CASZ1: variants seen among roughly 807,000 people sequenced by gnomAD.
CASZ1 encodes zinc finger protein castor homolog 1.
CASZ1 carries 28 observed loss-of-function variants against 135.2 expected under a neutral mutation model. The observed-to-expected ratio is 0.21, with a 90% CI of 0.15 to 0.28. The LOEUF is 0.28. CASZ1 is among the 10% of genes least tolerant of loss of function. The probability of loss-of-function intolerance (pLI) is 1.00; values close to 1 mark genes in which losing one functional copy is unlikely to be tolerated. For missense variants in CASZ1, 2,161 were observed against 2,453.3 expected, an observed-to-expected ratio of 0.88 and a Z score of 2.52; for synonymous variants, 1,068 against 1,073.4, an observed-to-expected ratio of 0.99 and a Z score of 0.10.
At chr1:10,787,507 G>C (rs559732583) in intron 1 of CASZ1, among the ~76,000 whole-genome samples, 49 of 152,304 alleles carry the variant, frequency 3.2e-4, no homozygotes, top group African/African-American at 1.1e-3. Flanking sequence ...TGAGCTCCCC[G>C]GGGGCGAGGG....
At position 10,689,899 on chromosome 1, in the gene CASZ1, C is replaced by T. The variant is rs77085927; in HGVS notation, c.16+3975G>A. On this transcript the variant is annotated intron_variant, in intron 4 of 20. Transcript: ENST00000377022. Reference sequence around the variant, plus strand: ...ACTAACCGGTGCACAGCACAAACCTCTGTTTGAATGGTACCAGGAAACTCA... The same window carrying T: ...ACTAACCGGTGCACAGCACAAACCTTTGTTTGAATGGTACCAGGAAACTCA... Among the ~76,000 whole-genome samples the T allele has an allele frequency of 5.5e-3, 839 of 152,336 alleles. 6 individuals carry two copies. Among genetic ancestry groups the T allele is most frequent in the East Asian group, 0.045 (234 of 5,176 alleles).
intron 2 of CASZ1, among the ~76,000 whole-genome samples, chr1:10,734,935 G>A (rs1469531948): frequency 6.6e-6 from 1 of 152,166 alleles, no homozygotes; most frequent in Non-Finnish European, 1.5e-5. Flanking sequence ...AGAGAGAGAA[G>A]TGGGGGGCCA....
rs920916038 is a variant in CASZ1 at position 10,639,398 on chromosome 1, G to C, written c.4824C>G (p.Pro1608=). 7 of 1,547,644 alleles carry C rather than the reference G, an allele frequency of 4.5e-6. No individual in the cohort carries two copies. The highest frequency in any genetic ancestry group is 2.4e-5 in the East Asian group (1 of 40,974). The change falls in exon 21 of 21, where the codon CCC becomes CCG. Residue 1608 remains proline, a synonymous_variant. Transcript: ENST00000377022. This position sits in a 1 kb window ranked among gnomAD's most constrained non-coding sequence, Gnocchi z 4.0. The part of the protein sequence containing the change: ...QERGEPAAEG[P]APGPPISLDG... The stretch of plus-strand genomic sequence containing the variant: ...CCAGACTGATGGGAGGCCCGGGCGC[G>C]GGGCCCTCTGCCGCGGGCTCGCCGC...
At chr1:10,718,506 G>GGCAC (rs1478153049) in intron 2 of CASZ1, among the ~76,000 whole-genome samples, 1 of 152,216 alleles carries the variant, frequency 6.6e-6, no homozygotes, top group Non-Finnish European at 1.5e-5. Context: ...CCCCAAGGAG[G>GGCAC]GCACGCCAGG....
In CASZ1 at chr1:10,679,923, C is replaced by T. The variant is rs1037743203; in HGVS notation, c.16+13951G>A. ...CCTTCCAGCATCCCTACCCATTACC[C>T]GTCCCAAACCCAGCTGCCAAGTGAG... is the stretch of plus-strand genomic sequence containing the variant. On this transcript the variant is annotated intron_variant, in intron 4 of 20. Transcript: ENST00000377022. The surrounding 1 kb of genome is among the most constrained non-coding windows in gnomAD (Gnocchi z 4.7). Among the ~76,000 whole-genome samples, 5 of 152,208 alleles carry T rather than the reference C, an allele frequency of 3.3e-5. No homozygotes were observed. Among genetic ancestry groups the T allele is most frequent in the Admixed American group, 6.5e-5 (1 of 15,288 alleles).
At chr1:10,667,969 C>T (rs891185464) in intron 4 of CASZ1, among the ~76,000 whole-genome samples, 3 of 152,118 alleles carry the variant, frequency 2.0e-5, no homozygotes, top group African/African-American at 7.2e-5. Flanking sequence ...CCCTTTGCTC[C>T]TGCCGACTCC....
intron 3 of CASZ1, among the ~76,000 whole-genome samples, chr1:10,703,910 G>A (rs1639113924): frequency 6.6e-6 from 1 of 152,192 alleles, no homozygotes; most frequent in South Asian, 2.1e-4. Flanking sequence ...GCAGACTGTG[G>A]GTCAAAGGGC....
At chr1:10,786,223 C>T (rs921754661) in intron 1 of CASZ1, among the ~76,000 whole-genome samples, 1 of 152,072 alleles carries the variant, frequency 6.6e-6, no homozygotes, top group Non-Finnish European at 1.5e-5. Context: ...TGATGACCCA[C>T]CTCACCCCAC....
In CASZ1 at chr1:10,679,658, G is replaced by A. The variant is rs1335860680; in HGVS notation, c.17-14087C>T. ...TGGGCTCTGTCCACATCCTGTGCCT[G>A]CACGGGCACCCTTCTCCTCCCCTCC... On this transcript the variant is annotated intron_variant, in intron 4 of 20. Transcript: ENST00000377022. The surrounding 1 kb of genome is among the most constrained non-coding windows in gnomAD (Gnocchi z 4.7). Among the ~76,000 whole-genome samples, 1 of 152,156 alleles carries A rather than the reference G, an allele frequency of 6.6e-6. No homozygotes were observed. Among genetic ancestry groups the A allele is most frequent in the East Asian group, 1.9e-4 (1 of 5,196 alleles).
Position 10,720,741 on chromosome 1 carries a change from A to T in CASZ1, c.-76-15197T>A, listed in dbSNP as rs1161923190. ...GGAGGACGGCTGGCAAAGAATGAGA[A>T]GGGCGTAGGGAAGCCCAAGGTCAGA... On this transcript the variant is annotated intron_variant, in intron 2 of 20. Coordinates refer to ENST00000377022, the MANE Select transcript of CASZ1 (RefSeq NM_001079843.3). This position sits in a 1 kb window ranked among gnomAD's most constrained non-coding sequence, Gnocchi z 5.7. Among the ~76,000 whole-genome samples, 1 of 152,198 alleles carries T rather than the reference A, an allele frequency of 6.6e-6. No individual in the cohort carries two copies. Among genetic ancestry groups the T allele is most frequent in the Non-Finnish European group, 1.5e-5 (1 of 68,024 alleles).
At chr1:10,667,113 G>A (rs550945999) in intron 4 of CASZ1, among the ~76,000 whole-genome samples, 262 of 152,336 alleles carry the variant, frequency 1.7e-3, no homozygotes, top group African/African-American at 6.0e-3. Flanking sequence ...CAGGAAACCC[G>A]ATGAGAGGCC....
At chr1:10,677,815 C>T (rs959211604) in intron 4 of CASZ1, among the ~76,000 whole-genome samples, 1 of 152,236 alleles carries the variant, frequency 6.6e-6, no homozygotes, top group Non-Finnish European at 1.5e-5. Context: ...ACCACAAAGG[C>T]CCCCTGCTGC....
chr1:10,686,899 C>T (rs1055486465), intron 4 of CASZ1, among the ~76,000 whole-genome samples: 1 of 152,220 alleles, frequency 6.6e-6, no homozygotes, highest in Non-Finnish European at 1.5e-5. Flanking sequence ...CCGTGGGGCA[C>T]CCCCTGCCGG....
intron 2 of CASZ1, among the ~76,000 whole-genome samples, chr1:10,742,482 C>A (rs1233111898): frequency 6.6e-6 from 1 of 152,202 alleles, no homozygotes; most frequent in East Asian, 1.9e-4. Flanking sequence ...TCCATTCTCT[C>A]CCCAGTCCCT....
intron 2 of CASZ1, among the ~76,000 whole-genome samples, chr1:10,715,129 G>A (rs1305481859): frequency 2.0e-5 from 3 of 152,210 alleles, no homozygotes; most frequent in African/African-American, 7.2e-5. Context: ...CCTGGCCTCC[G>A]GTTGGCCCAA....
chr1:10,785,843 G>A (rs925557071), intron 1 of CASZ1, among the ~76,000 whole-genome samples: 5 of 152,344 alleles, frequency 3.3e-5, no homozygotes, highest in East Asian at 1.9e-4. Context: ...TGTGCGTTCC[G>A]TAAAATAAAG....
rs1255520817 is a variant in CASZ1, at chr1:10,664,842, C to A, written c.505+241G>T. Among the ~76,000 whole-genome samples the A allele has an allele frequency of 3.3e-5, 5 of 151,786 alleles. No individual in the cohort carries two copies. The East Asian group carries it at 9.7e-4, about 30-fold the overall frequency. ...TCCCTCCCTCCCCACCTGTCCACCCCTCTGCCTGTGGTTTCTTGAAGACCC... is the reference window on the plus strand; with the variant it reads ...TCCCTCCCTCCCCACCTGTCCACCCATCTGCCTGTGGTTTCTTGAAGACCC... On this transcript the variant is annotated intron_variant, in intron 5 of 20. Transcript: ENST00000377022.
chr1:10,775,030 G>C (rs973466679), intron 1 of CASZ1, among the ~76,000 whole-genome samples: 2 of 151,510 alleles, frequency 1.3e-5, no homozygotes, highest in Non-Finnish European at 2.9e-5. Flanking sequence ...CCAGACCTAG[G>C]GTTGGGGCTG....
intron 1 of CASZ1, among the ~76,000 whole-genome samples, chr1:10,790,759 C>T (rs1230158609): frequency 6.6e-6 from 1 of 152,016 alleles, no homozygotes; most frequent in East Asian, 1.9e-4. Flanking sequence ...CTTGTAAGGA[C>T]ACACACAAAA....
Sources: allele counts gnomAD v4.1 joint callset (sites outside exome capture counted in the v4.1 genomes callset), GRCh38; gene constraint gnomAD v4.1.1; non-coding constraint Gnocchi (gnomAD v3.1); transcripts MANE v1.5; gene names NCBI Gene and HGNC (gene_info 2026-07-23, HGNC 2026-07-21).